The following AUTS2 variants were observed in gnomAD, a reference collection of about 807,000 sequenced individuals.
AUTS2 encodes autism susceptibility gene 2 protein.
In AUTS2, 17 loss-of-function variants were observed where a neutral mutation model predicts 112.4. The observed-to-expected ratio is 0.15, with a 90% CI of 0.10 to 0.23. The LOEUF is 0.23. Ranked by LOEUF, AUTS2 falls within the 10% of genes least tolerant of loss-of-function variation. The probability of loss-of-function intolerance (pLI) is 1.00; values close to 1 mark genes in which losing one functional copy is unlikely to be tolerated. For missense variants in AUTS2, 1,510 were observed against 1,701.6 expected (o/e 0.89, Z 1.98); for synonymous variants, 751 against 702.7 (o/e 1.07, Z -1.09).
At chr7:69,847,431 T>A (rs1244656558) in intron 1 of AUTS2, among the ~76,000 whole-genome samples, 1 of 152,188 alleles carries the variant, frequency 6.6e-6, no homozygotes, top group Non-Finnish European at 1.5e-5. Context: ...TGCATTTTGC[T>A]CTAAGTGTGC....
At chr7:70,685,935 G>A (rs1808453877) in intron 5 of AUTS2, among the ~76,000 whole-genome samples, 2 of 151,026 alleles carry the variant, frequency 1.3e-5, no homozygotes, top group Admixed American at 6.6e-5. Context: ...ACCCATGCCC[G>A]GGAGCCCATG....
In AUTS2 at chr7:70,781,686, C is replaced by A; in HGVS notation, c.2076C>A (p.Gly692=). 1 of 1,614,232 alleles carries A rather than the reference C, an allele frequency of 6.2e-7. No homozygotes were observed. The highest frequency in any genetic ancestry group is 8.5e-7 in the Non-Finnish European group (1 of 1,180,034). The stretch of plus-strand genomic sequence containing the variant: ...CTGAGTTCCTGAGCCGCCCTCCAGG[C>A]CCCAGTCTTTTTGGAGCCATCCACC... ...LKPEFLSRPP[G]PSLFGAIHHP... is the part of the protein sequence containing the mutation. Residue 692 remains glycine (G), a synonymous_variant, in exon 15 of 19, where the codon GGC becomes GGA. Coordinates refer to ENST00000342771, the MANE Select transcript of AUTS2 (RefSeq NM_015570.4).
At chr7:69,859,685 C>T (rs563415095) in intron 1 of AUTS2, among the ~76,000 whole-genome samples, 1 of 152,290 alleles carries the variant, frequency 6.6e-6, no homozygotes, top group South Asian at 2.1e-4. Context: ...CTTCAAGAGC[C>T]AGTGAGCTGG....
Position 70,791,131 on chromosome 7 carries a change from T to C in AUTS2, c.*135T>C. 1.2e-6 allele frequency: 1 copy of C among 852,404 alleles called. No homozygotes were observed. The highest frequency in any genetic ancestry group is 3.2e-5 in the East Asian group (1 of 31,672). The allele number at this position is 852,404 out of a possible 1,614,324, so 52.8% of individuals were successfully genotyped here. ...ACCCCTTCCCCTTGTAAAAAATGTA[T>C]AGACTCAGTGCACATTTTGAAATGT... On this transcript the variant is annotated 3_prime_UTR_variant, in exon 19 of 19. Coordinates refer to ENST00000342771, the MANE Select transcript of AUTS2 (RefSeq NM_015570.4).
intron 4 of AUTS2, among the ~76,000 whole-genome samples, chr7:70,243,268 TGTGTG>T (rs1331995582): frequency 6.6e-6 from 1 of 150,870 alleles, no homozygotes; most frequent in Non-Finnish European, 1.5e-5. Context: ...TGTGTGTGTG[TGTGTG>T]TGTGTGTATG....
intron 5 of AUTS2, among the ~76,000 whole-genome samples, chr7:70,629,136 T>A (rs757462695): frequency 6.6e-6 from 1 of 152,100 alleles, no homozygotes; most frequent in Non-Finnish European, 1.5e-5. Context: ...AGAGGTCAGG[T>A]AGCAGCATGG....
At chr7:69,956,484 T>C (rs2129546492) in intron 2 of AUTS2, among the ~76,000 whole-genome samples, 1 of 152,266 alleles carries the variant, frequency 6.6e-6, no homozygotes, top group Admixed American at 6.5e-5. Context: ...TCACCTGCGG[T>C]TGAAACAGTG....
intron 3 of AUTS2, among the ~76,000 whole-genome samples, chr7:70,125,263 G>A (rs1805905034): frequency 6.6e-6 from 1 of 151,450 alleles, no homozygotes; most frequent in African/African-American, 2.4e-5. Flanking sequence ...GTGTGTGTGT[G>A]TGTGTGTGTG....
chr7:69,871,363 C>G (rs905578420), intron 1 of AUTS2, among the ~76,000 whole-genome samples: 16 of 152,158 alleles, frequency 1.1e-4, no homozygotes, highest in African/African-American at 3.9e-4. Flanking sequence ...CCATAACACA[C>G]TTATAGGGTA....
intron 1 of AUTS2, among the ~76,000 whole-genome samples, chr7:69,686,400 T>C (rs1797068474): frequency 6.6e-6 from 1 of 152,128 alleles, no homozygotes; most frequent in Non-Finnish European, 1.5e-5. Flanking sequence ...AAAAAATATA[T>C]TAGGTACAGT....
intron 1 of AUTS2, among the ~76,000 whole-genome samples, chr7:69,611,631 C>A (rs947642837): frequency 6.6e-6 from 1 of 152,180 alleles, no homozygotes; most frequent in Non-Finnish European, 1.5e-5. Flanking sequence ...CTCTGTTGAT[C>A]ATTTTTTAAA....
At chr7:70,078,998 G>T (rs926822997) in intron 2 of AUTS2, among the ~76,000 whole-genome samples, 1 of 152,090 alleles carries the variant, frequency 6.6e-6, no homozygotes, top group African/African-American at 2.4e-5. Context: ...TTCTTTTCTC[G>T]ATTGGTAGAA....
intron 1 of AUTS2, among the ~76,000 whole-genome samples, chr7:69,643,858 T>A (rs1312327861): frequency 6.6e-6 from 1 of 152,160 alleles, no homozygotes; most frequent in Non-Finnish European, 1.5e-5. Context: ...GTGAGAAGAT[T>A]GCTTGAAGCC....
At chr7:70,741,080 C>T (rs745597949) in intron 6 of AUTS2, among the ~76,000 whole-genome samples, 13 of 150,280 alleles carry the variant, frequency 8.7e-5, no homozygotes, top group Admixed American at 2.7e-4. Flanking sequence ...GGTGACAGAG[C>T]GAGACCCTGT....
intron 1 of AUTS2, among the ~76,000 whole-genome samples, chr7:69,609,729 G>A (rs918253025): frequency 2.0e-5 from 3 of 152,166 alleles, no homozygotes; most frequent in African/African-American, 7.2e-5. Context: ...AATTTTCTTC[G>A]AGGAAATACT....
At chr7:70,533,427 A>G (rs1800178329) in intron 5 of AUTS2, among the ~76,000 whole-genome samples, 1 of 152,120 alleles carries the variant, frequency 6.6e-6, no homozygotes, top group African/African-American at 2.4e-5. Flanking sequence ...CCTGTTTTCT[A>G]ATGGGTGTCC....
chr7:70,339,792 TAAAG>T (rs1396756633), intron 4 of AUTS2, among the ~76,000 whole-genome samples: 2 of 152,156 alleles, frequency 1.3e-5, no homozygotes, highest in Non-Finnish European at 2.9e-5. Flanking sequence ...AGTCTTGACA[TAAAG>T]TAAGTATTAG....
intron 1 of AUTS2, among the ~76,000 whole-genome samples, chr7:69,679,677 A>G (rs1006561404): frequency 6.6e-6 from 1 of 152,232 alleles, no homozygotes; most frequent in African/African-American, 2.4e-5. Context: ...CAGGAAAGAG[A>G]AGACTGTGTG....
At chr7:70,334,765 G>A (rs1240573580) in intron 4 of AUTS2, among the ~76,000 whole-genome samples, 1 of 152,130 alleles carries the variant, frequency 6.6e-6, no homozygotes, top group Admixed American at 6.6e-5. Flanking sequence ...AAAAAATGGA[G>A]TTTTTTGGTA....
Sources: gnomAD v4.1 joint callset for allele counts (sites outside exome capture counted in the v4.1 genomes callset) on GRCh38, gnomAD v4.1.1 for gene constraint, MANE v1.5 for transcripts, NCBI Gene and HGNC (gene_info 2026-07-23, HGNC 2026-07-21) for gene names.